The following SBNO2 variants were observed in gnomAD, a reference collection of about 807,000 sequenced individuals.
SBNO2 encodes protein strawberry notch homolog 2.
Under a neutral mutation model 146.3 loss-of-function variants are expected in SBNO2, and 89 were observed. That is an observed-to-expected ratio of 0.61 (90% CI 0.51 to 0.73). The LOEUF is 0.73. Ranked by LOEUF, SBNO2 falls within the 30% of genes least tolerant of loss-of-function variation. SBNO2 has a pLI of 0.00. For missense variants in SBNO2, 2,092 were observed against 2,003.7 expected, an observed-to-expected ratio of 1.04 and a Z score of -0.84; for synonymous variants, 1,147 against 892.6, an observed-to-expected ratio of 1.29 and a Z score of -5.08.
In SBNO2 at chr19:1,158,416, G is replaced by C. The variant is rs112209381; in HGVS notation, c.-126-4014C>G. 0.023 allele frequency among the ~76,000 whole-genome samples: 3,436 copies of C among 152,216 alleles called. 135 individuals are homozygous for C. The highest frequency in any genetic ancestry group is 0.079 in the African/African-American group (3,263 of 41,518). On this transcript the variant is annotated intron_variant, in intron 1 of 31. Coordinates refer to ENST00000361757, the MANE Select transcript of SBNO2 (RefSeq NM_014963.3). The surrounding 1 kb of genome is among the most constrained non-coding windows in gnomAD (Gnocchi z 9.9). ...CCCCAGAGCCAGACTCAGCAGCTCA[G>C]GCCACGCTGTGCCCACGTTCGCGAC...
rs563493720 is a variant in SBNO2 at position 1,119,703 on chromosome 19, C to G, written c.1268-82G>C. The G allele has an allele frequency of 2.5e-6, 3 of 1,222,284 alleles. No homozygotes were observed. The East Asian group carries it at 7.6e-5, about 31-fold the overall frequency. The allele number at this position is 1,222,284 out of a possible 1,614,324, so 75.7% of individuals were successfully genotyped here. On this transcript the variant is annotated intron_variant, in intron 12 of 31. Coordinates refer to ENST00000361757, the MANE Select transcript of SBNO2 (RefSeq NM_014963.3). ...AGGGGACGACTAAGTTGGGACCACC[C>G]GACGAGGGGCCCTGCGGGGTTGGAG... is the stretch of plus-strand genomic sequence containing the variant.
At chr19:1,120,817 C>A (rs771490992) in intron 11 of SBNO2, among the ~76,000 whole-genome samples, 3 of 152,112 alleles carry the variant, frequency 2.0e-5, no homozygotes, top group African/African-American at 7.2e-5. Flanking sequence ...TACAAGTGTG[C>A]GCCACCACGC....
chr19:1,123,452 C>A, intron 7 of SBNO2, 82 bp downstream of exon 7: 1 of 1,149,294 alleles, frequency 8.7e-7, no homozygotes, highest in Non-Finnish European at 1.3e-6. Flanking sequence ...GTGGGCTGTG[C>A]GGGCGGTGGT....
chr19:1,138,705 C>T (rs1180253043), intron 4 of SBNO2, among the ~76,000 whole-genome samples: 1 of 150,782 alleles, frequency 6.6e-6, no homozygotes, highest in Non-Finnish European at 1.5e-5. Flanking sequence ...GCCTCCATCA[C>T]AGACGGACAC....
At chr19:1,152,286 A>G (rs977478918) in intron 2 of SBNO2, among the ~76,000 whole-genome samples, 1 of 152,110 alleles carries the variant, frequency 6.6e-6, no homozygotes, top group African/African-American at 2.4e-5. Flanking sequence ...TCCACATCCC[A>G]TAATTCGCTT....
chr19:1,127,333 C>G (rs1042762791), intron 5 of SBNO2, among the ~76,000 whole-genome samples: 1 of 152,206 alleles, frequency 6.6e-6, no homozygotes, highest in Non-Finnish European at 1.5e-5. Flanking sequence ...GGGCGCTGGG[C>G]AGCATCCTGG....
intron 5 of SBNO2, among the ~76,000 whole-genome samples, chr19:1,127,231 C>T (rs1245797010): frequency 6.6e-6 from 1 of 152,234 alleles, no homozygotes; most frequent in African/African-American, 2.4e-5. Context: ...TCTGTCCCGT[C>T]ACCTTCCTGT....
Position 1,126,751 on chromosome 19 carries a change from C to G in SBNO2, c.441+853G>C, listed in dbSNP as rs1294090148. The stretch of plus-strand genomic sequence containing the variant: ...GCATGGGCCCTCACCGGAAGGCGCT[C>G]AGTCCCAGAGACATGTCCAACGTCT... On this transcript the variant is annotated intron_variant, in intron 5 of 31. Transcript: ENST00000361757. The surrounding 1 kb of genome is among the most constrained non-coding windows in gnomAD (Gnocchi z 4.4). Among the ~76,000 whole-genome samples, 1 of 152,226 alleles carries G rather than the reference C, an allele frequency of 6.6e-6. No individual in the cohort carries two copies. The highest frequency in any genetic ancestry group is 2.4e-5 in the African/African-American group (1 of 41,462).
At chr19:1,163,096 G>T (rs2080365268) in intron 1 of SBNO2, among the ~76,000 whole-genome samples, 1 of 152,210 alleles carries the variant, frequency 6.6e-6, no homozygotes, top group African/African-American at 2.4e-5. Flanking sequence ...GACAGAGAGG[G>T]CACCGGGGTG....
Position 1,153,869 on chromosome 19 carries a change from G to A in SBNO2, c.93+315C>T, listed in dbSNP as rs569111976. ...TTTTAAGTAATTCCCTCACTGACAGGTTCCTACAAGTAAAGTTGAGCCCCC... is the reference window on the plus strand; with the variant it reads ...TTTTAAGTAATTCCCTCACTGACAGATTCCTACAAGTAAAGTTGAGCCCCC... On this transcript the variant is annotated intron_variant, in intron 2 of 31. Coordinates refer to ENST00000361757, the MANE Select transcript of SBNO2 (RefSeq NM_014963.3). 1.3e-3 allele frequency among the ~76,000 whole-genome samples: 195 copies of A among 152,310 alleles called. 2 individuals carry two copies. The highest frequency in any genetic ancestry group is 1.7e-3 in the Non-Finnish European group (113 of 68,024).
chr19:1,164,644 GGAA>G (rs2080388820), intron 1 of SBNO2, among the ~76,000 whole-genome samples: 6 of 129,372 alleles, frequency 4.6e-5, no homozygotes, highest in East Asian at 2.5e-4. Context: ...AGGAGGAGGA[GGAA>G]CAGGAGGAGG....
chr19:1,174,236 C>T lies in SBNO2; in HGVS notation c.-191G>A, dbSNP rs541296317. The T allele has an allele frequency of 6.6e-6, 1 of 151,754 alleles. No homozygotes were observed. The highest frequency in any genetic ancestry group is 6.6e-5 in the Admixed American group (1 of 15,258). 9.4% of individuals were successfully genotyped at this position (151,754 alleles called of 1,614,324 possible). A position where few individuals can be genotyped will look rare whatever the true frequency, so the allele number is the denominator to read the frequency against. ...CTGTTTCTCCGAGCCTCGCAGCTGC[C>T]GCCGCTCACTTCCGGGTTTCGGGCG... On this transcript the variant is annotated 5_prime_UTR_variant, in exon 1 of 32. Transcript: ENST00000361757.
chr19:1,166,231 A>ACTCCAGATCCCAGACTTCAGAT (rs1555729310), intron 1 of SBNO2, among the ~76,000 whole-genome samples: 6 of 76,534 alleles, frequency 7.8e-5, no homozygotes, highest in Non-Finnish European at 1.4e-4. Context: ...GAGATTCCAG[A>ACTCCAGATCCCAGACTTCAGAT]CCCCAGATCC....
At chr19:1,164,725 AGAG>A (rs1160744192) in intron 1 of SBNO2, among the ~76,000 whole-genome samples, 9 of 2,010 alleles carry the variant, frequency 4.5e-3, no homozygotes, top group African/African-American at 0.015. Context: ...AGGAACAGGA[AGAG>A]GAGGAGGAGG....
intron 2 of SBNO2, among the ~76,000 whole-genome samples, chr19:1,152,190 C>G (rs558645735): frequency 6.6e-6 from 1 of 152,210 alleles, no homozygotes; most frequent in African/African-American, 2.4e-5. Flanking sequence ...GTGCCCCCGC[C>G]GGGTTCCAGC....
chr19:1,128,387 A>T, intron 4 of SBNO2: 1 of 308,574 alleles, frequency 3.2e-6, no homozygotes, highest in Middle Eastern at 8.5e-4. Context: ...AGATGTATGT[A>T]CATCATTTCA....
chr19:1,119,674 C>CGTCAGGGGACGACTAA (rs2079876515), intron 12 of SBNO2, 53 bp from the exon 13 acceptor site: 1 of 1,450,308 alleles, frequency 6.9e-7, no homozygotes, highest in African/African-American at 1.4e-5. Context: ...CCAGAGGCCG[C>CGTCAGGGGACGACTAA]GTCAGGGGAC....
intron 4 of SBNO2, among the ~76,000 whole-genome samples, chr19:1,143,835 G>A (rs2080161821): frequency 6.6e-6 from 1 of 152,118 alleles, no homozygotes; most frequent in African/African-American, 2.4e-5. Flanking sequence ...TGGGCCTCCA[G>A]GTCACCCAGG....
intron 1 of SBNO2, among the ~76,000 whole-genome samples, chr19:1,169,919 G>C (rs908833100): frequency 2.6e-5 from 4 of 152,004 alleles, no homozygotes; most frequent in African/African-American, 9.7e-5. Flanking sequence ...GTCCCCAACA[G>C]CAGTCACTCC....
Sources: gnomAD v4.1 joint callset for allele counts (sites outside exome capture counted in the v4.1 genomes callset) on GRCh38, gnomAD v4.1.1 for gene constraint, Gnocchi (gnomAD v3.1) non-coding constraint, MANE v1.5 for transcripts, NCBI Gene and HGNC (gene_info 2026-07-23, HGNC 2026-07-21) for gene names.